The following IGLL5 variants were observed in gnomAD, a reference collection of about 807,000 sequenced individuals.
IGLL5 encodes immunoglobulin lambda like polypeptide 5.
In IGLL5, 30 loss-of-function variants were observed where a neutral mutation model predicts 20.9. That is an observed-to-expected ratio of 1.44 (90% CI 1.07 to 1.95). The LOEUF is 1.95. IGLL5 is among the 30% of genes most tolerant of loss of function. The probability of loss-of-function intolerance (pLI) is 0.00; values close to 1 mark genes in which losing one functional copy is unlikely to be tolerated. For synonymous variants in IGLL5, 203 were observed against 117.3 expected, an observed-to-expected ratio of 1.73 and a Z score of -4.72; for missense variants, 475 against 270.7, an observed-to-expected ratio of 1.75 and a Z score of -5.30.
intron 1 of IGLL5, among the ~76,000 whole-genome samples, 162 bp from the exon 2 acceptor site, chr22:22,893,538 G>A (rs1233615621): frequency 1.3e-5 from 2 of 151,144 alleles, no homozygotes; most frequent in South Asian, 2.1e-4. Context: ...GACAGCCTCA[G>A]AGAGGAAAGA....
rs527245901 is a variant in IGLL5 at position 22,887,964 on chromosome 22, C to A, written c.-90C>A. On this transcript the variant is annotated 5_prime_UTR_variant, in exon 1 of 3. Transcript: ENST00000526893. Reference sequence around the variant, plus strand: ...GCCAATGGACTGGGGTGTACTGTAACAGCCCTGCTGGCGAGAGGGACCAGG... The same window carrying A: ...GCCAATGGACTGGGGTGTACTGTAAAAGCCCTGCTGGCGAGAGGGACCAGG... The A allele has an allele frequency of 2.9e-6, 3 of 1,034,432 alleles. No individual in the cohort carries two copies. The highest frequency in any genetic ancestry group is 1.6e-5 in the African/African-American group (1 of 62,580). The allele number at this position is 1,034,432 out of a possible 1,614,324, so 64.1% of individuals were successfully genotyped here.
chr22:22,888,087 A>T lies in IGLL5; in HGVS notation c.34A>T (p.Thr12Ser), dbSNP rs750855382. 1 of 1,549,118 alleles carries T rather than the reference A, an allele frequency of 6.5e-7. No homozygotes were observed. ...RPKTGQVGCE[T>S]PEELGPGPRQ... Reference sequence around the variant, plus strand: ...CAAGACAGGCCAAGTGGGTTGTGAGACCCCTGAGGAGCTGGGCCCTGGTCC... The same window carrying T: ...CAAGACAGGCCAAGTGGGTTGTGAGTCCCCTGAGGAGCTGGGCCCTGGTCC... Residue 12 changes from threonine to serine, a missense_variant, in exon 1 of 3, where the codon ACC becomes TCC. Coordinates refer to ENST00000526893, the MANE Select transcript of IGLL5 (RefSeq NM_001178126.2).
intron 1 of IGLL5, among the ~76,000 whole-genome samples, chr22:22,889,236 A>C (rs1302667268): frequency 6.6e-6 from 1 of 150,890 alleles, no homozygotes; most frequent in Non-Finnish European, 1.5e-5. Flanking sequence ...TGGGGAGGAC[A>C]CTCAGATTCA....
At chr22:22,894,235 G>T in intron 2 of IGLL5, among the ~76,000 whole-genome samples, 2 of 151,316 alleles carry the variant, frequency 1.3e-5, no homozygotes, top group African/African-American at 2.4e-5. Context: ...GCAGCCCCAA[G>T]AACAGCTGAG....
At chr22:22,893,938 T>TCG (rs2067952821) in intron 2 of IGLL5, 120 bp downstream of exon 2, 1 of 767,122 alleles carries the variant, frequency 1.3e-6, no homozygotes, top group Admixed American at 1.9e-5. Flanking sequence ...GACCCTTACC[T>TCG]TTCTCCATGG....
Position 22,894,250 on chromosome 22 carries a change from T to A in IGLL5, c.325+432T>A, listed in dbSNP as rs139454784. Among the ~76,000 whole-genome samples, 825 of 149,686 alleles carry A rather than the reference T, an allele frequency of 5.5e-3. 25 individuals are homozygous for A. The highest frequency in any genetic ancestry group is 0.043 in the Admixed American group (637 of 14,966). On this transcript the variant is annotated intron_variant, in intron 2 of 2. Coordinates refer to ENST00000526893, the MANE Select transcript of IGLL5 (RefSeq NM_001178126.2). Reference sequence around the variant, plus strand: ...GCAGCCCCAAGAACAGCTGAGGGTCTAGGCTGAGGACTGGATGCCAATCCA... The same window carrying A: ...GCAGCCCCAAGAACAGCTGAGGGTCAAGGCTGAGGACTGGATGCCAATCCA...
Position 22,888,164 on chromosome 22 carries a change from C to T in IGLL5, c.111C>T (p.Gly37=), listed in dbSNP as rs778053128. Reference sequence around the variant, plus strand: ...TGGGTCTGGCCATGGTCGCCCATGGCCTGCTGCGCCCAATGGTTGCACCGC... The same window carrying T: ...TGGGTCTGGCCATGGTCGCCCATGGTCTGCTGCGCCCAATGGTTGCACCGC... ...LLLGLAMVAH[G]LLRPMVAPQS... Residue 37 remains glycine (G), a synonymous_variant, in exon 1 of 3, where the codon GGC becomes GGT. Transcript: ENST00000526893. 3.2e-6 allele frequency: 5 copies of T among 1,549,204 alleles called. No individual in the cohort carries two copies. Among genetic ancestry groups the T allele is most frequent in the Admixed American group, 2.0e-5 (1 of 50,822 alleles).
At chr22:22,890,249 A>G (rs2067786765) in intron 1 of IGLL5, among the ~76,000 whole-genome samples, 1 of 149,738 alleles carries the variant, frequency 6.7e-6, no homozygotes, top group South Asian at 2.2e-4. Flanking sequence ...TCCCAGAGAT[A>G]GCCACTGTCA....
chr22:22,894,337 G>A (rs145143981), intron 2 of IGLL5, among the ~76,000 whole-genome samples: 7 of 151,458 alleles, frequency 4.6e-5, no homozygotes, highest in Middle Eastern at 3.7e-3. Flanking sequence ...CCAATGGAGG[G>A]CACAGAGAGG....
At chr22:22,889,656 C>G (rs2067742867) in intron 1 of IGLL5, among the ~76,000 whole-genome samples, 1 of 151,290 alleles carries the variant, frequency 6.6e-6, no homozygotes. Flanking sequence ...GGCGTGGCCA[C>G]AGCTCACTGC....
chr22:22,888,431 G>T (rs1569079670), intron 1 of IGLL5, among the ~76,000 whole-genome samples, 172 bp downstream of exon 1: 2 of 151,432 alleles, frequency 1.3e-5, no homozygotes, highest in East Asian at 2.0e-4. Flanking sequence ...AGATTTGTTT[G>T]AATTACTGTT....
At chr22:22,894,884 G>T (rs540214467) in intron 2 of IGLL5, among the ~76,000 whole-genome samples, 1 of 151,366 alleles carries the variant, frequency 6.6e-6, no homozygotes, top group Non-Finnish European at 1.5e-5. Context: ...GGGATAGGAA[G>T]CTCCAGTTCA....
intron 1 of IGLL5, among the ~76,000 whole-genome samples, chr22:22,890,244 G>A (rs1295128199): frequency 6.7e-6 from 1 of 148,808 alleles, no homozygotes; most frequent in Non-Finnish European, 1.5e-5. Context: ...CCTCTTCCCA[G>A]AGATAGCCAC....
chr22:22,894,106 G>T (rs567579274), intron 2 of IGLL5, among the ~76,000 whole-genome samples: 7 of 151,430 alleles, frequency 4.6e-5, no homozygotes, highest in East Asian at 4.0e-4. Context: ...AGGGACAGAG[G>T]CTGGTTCTGA....
At chr22:22,894,724 A>G (rs550900925) in intron 2 of IGLL5, among the ~76,000 whole-genome samples, 3 of 151,274 alleles carry the variant, frequency 2.0e-5, no homozygotes, top group African/African-American at 4.8e-5. Context: ...AGCCCCAGGA[A>G]CAGCTGAGGT....
In IGLL5 at chr22:22,889,081, T is replaced by A. The variant is rs116809799; in HGVS notation, c.206+822T>A. On this transcript the variant is annotated intron_variant, in intron 1 of 2. Coordinates refer to ENST00000526893, the MANE Select transcript of IGLL5 (RefSeq NM_001178126.2). ...AGTCCTTGGATGGATTTAGGTAGAT[T>A]GATTATCAGAGTCAGATTTGTGTTT... is the stretch of plus-strand genomic sequence containing the variant. Among the ~76,000 whole-genome samples the A allele has an allele frequency of 2.0e-5, 3 of 151,226 alleles. 1 individual carries two copies. Among genetic ancestry groups the A allele is most frequent in the African/African-American group, 7.3e-5 (3 of 41,252 alleles).
At chr22:22,889,670 C>G (rs2067743883) in intron 1 of IGLL5, among the ~76,000 whole-genome samples, 1 of 151,402 alleles carries the variant, frequency 6.6e-6, no homozygotes, top group African/African-American at 2.4e-5. Flanking sequence ...TCACTGCAGC[C>G]TCAACCTCCA....
intron 2 of IGLL5, among the ~76,000 whole-genome samples, chr22:22,894,690 C>G (rs190704048): frequency 4.0e-5 from 6 of 151,332 alleles, no homozygotes; most frequent in East Asian, 2.0e-4. Context: ...CTGGGGGCTG[C>G]TGAGTCTCAT....
In IGLL5 at chr22:22,887,961, T is replaced by C. The variant is rs563596478; in HGVS notation, c.-93T>C. Reference sequence around the variant, plus strand: ...AGAGCCAATGGACTGGGGTGTACTGTAACAGCCCTGCTGGCGAGAGGGACC... The same window carrying C: ...AGAGCCAATGGACTGGGGTGTACTGCAACAGCCCTGCTGGCGAGAGGGACC... On this transcript the variant is annotated 5_prime_UTR_variant, in exon 1 of 3. It removes the in-frame stop codon of an upstream open reading frame in the 5' UTR. Coordinates refer to ENST00000526893, the MANE Select transcript of IGLL5 (RefSeq NM_001178126.2). 2.0e-6 allele frequency: 2 copies of C among 1,015,920 alleles called. No homozygotes were observed. Among genetic ancestry groups the C allele is most frequent in the African/African-American group, 1.6e-5 (1 of 62,308 alleles). The allele number at this position is 1,015,920 out of a possible 1,614,324, so 62.9% of individuals were successfully genotyped here. A position where few individuals can be genotyped will look rare whatever the true frequency, so the allele number is the denominator to read the frequency against.
Sources: allele counts gnomAD v4.1 joint callset (sites outside exome capture counted in the v4.1 genomes callset), GRCh38; gene constraint gnomAD v4.1.1; transcripts MANE v1.5; gene names NCBI Gene and HGNC (gene_info 2026-07-23, HGNC 2026-07-21).